ASTN2: variants seen among roughly 807,000 people sequenced by gnomAD.
ASTN2 encodes astrotactin-2.
A neutral mutation model predicts 139.8 loss-of-function variants in ASTN2; 54 were observed. The observed-to-expected ratio is 0.39, with a 90% CI of 0.31 to 0.48. The LOEUF is 0.48. Among genes scored for constraint, ASTN2 ranks in the 20% least tolerant of loss-of-function variants. ASTN2 has a pLI of 0.95. For synonymous variants in ASTN2, 756 were observed against 719.5 expected, an observed-to-expected ratio of 1.05 and a Z score of -0.81; for missense variants, 1,565 against 1,725.1, an observed-to-expected ratio of 0.91 and a Z score of 1.64.
rs117083975 is a variant in ASTN2 at position 116,685,781 on chromosome 9, A to G, written c.2807-33988T>C. 1.3e-3 allele frequency among the ~76,000 whole-genome samples: 191 copies of G among 148,766 alleles called. 7 individuals carry two copies. The East Asian group carries it at 0.03, about 24-fold the overall frequency. On this transcript the variant is annotated intron_variant, in intron 16 of 22. Transcript: ENST00000313400. The stretch of plus-strand genomic sequence containing the variant: ...ATTTTTGTTTTAAGGGAGAAGAGAG[A>G]TTTTTTTTTTTCAAGACACTTGCTT...
intron 10 of ASTN2, among the ~76,000 whole-genome samples, chr9:116,872,552 A>G (rs1406979138): frequency 6.6e-6 from 1 of 152,114 alleles, no homozygotes; most frequent in African/African-American, 2.4e-5. Context: ...ACAGGAATGG[A>G]TGTAACAGAG....
At chr9:117,358,445 A>G (rs1829604509) in intron 1 of ASTN2, among the ~76,000 whole-genome samples, 3 of 152,110 alleles carry the variant, frequency 2.0e-5, no homozygotes, top group Non-Finnish European at 4.4e-5. Flanking sequence ...CTAAGGTTGC[A>G]AACTCTGATT....
chr9:116,427,199 C>T (rs1847336123), intron 22 of ASTN2, among the ~76,000 whole-genome samples: 1 of 152,100 alleles, frequency 6.6e-6, no homozygotes, highest in Admixed American at 6.5e-5. Flanking sequence ...AGCAGCATCC[C>T]AGGGCCCCAC....
At chr9:117,311,399 GT>G (rs1257084108) in intron 1 of ASTN2, among the ~76,000 whole-genome samples, 1 of 152,122 alleles carries the variant, frequency 6.6e-6, no homozygotes, top group Non-Finnish European at 1.5e-5. Flanking sequence ...GCACATACCA[GT>G]TATTCTGGCT....
At chr9:117,053,204 T>A (rs1838963142) in intron 5 of ASTN2, among the ~76,000 whole-genome samples, 2 of 152,108 alleles carry the variant, frequency 1.3e-5, no homozygotes, top group Non-Finnish European at 2.9e-5. Context: ...GCAATCCCAG[T>A]GCTTTGTGAG....
intron 3 of ASTN2, among the ~76,000 whole-genome samples, chr9:117,179,957 G>A (rs1337762156): frequency 2.0e-5 from 3 of 152,180 alleles, no homozygotes; most frequent in Non-Finnish European, 4.4e-5. Context: ...GTTCTCATTT[G>A]ATAGATGGGA....
At chr9:116,946,306 C>T (rs1158680255) in intron 10 of ASTN2, among the ~76,000 whole-genome samples, 1 of 152,146 alleles carries the variant, frequency 6.6e-6, no homozygotes, top group Non-Finnish European at 1.5e-5. Context: ...AGGCTCCCCA[C>T]TAATTCTTAT....
chr9:117,144,679 T>G (rs1588012686), intron 3 of ASTN2, among the ~76,000 whole-genome samples: 1 of 69,718 alleles, frequency 1.4e-5, no homozygotes, highest in African/African-American at 5.0e-5. Context: ...TTTTTTTTTT[T>G]TTTTTTTTTT....
chr9:117,149,683 A>G (rs1046822620), intron 3 of ASTN2, among the ~76,000 whole-genome samples: 1 of 152,208 alleles, frequency 6.6e-6, no homozygotes, highest in Non-Finnish European at 1.5e-5. Flanking sequence ...ACAATATTCC[A>G]TCTTATATAG....
chr9:117,390,917 T>G (rs1830523020), intron 1 of ASTN2, among the ~76,000 whole-genome samples: 1 of 152,212 alleles, frequency 6.6e-6, no homozygotes, highest in Admixed American at 6.5e-5. Context: ...ACTGCCAAAC[T>G]GTTTTACCCC....
At chr9:117,308,105 T>C (rs1044657566) in intron 1 of ASTN2, among the ~76,000 whole-genome samples, 34 of 152,260 alleles carry the variant, frequency 2.2e-4, no homozygotes, top group Admixed American at 1.9e-3. Context: ...GGTCCTCTGA[T>C]TCCCAGCTCC....
chr9:117,155,646 G>A (rs1287325578), intron 3 of ASTN2, among the ~76,000 whole-genome samples: 1 of 152,002 alleles, frequency 6.6e-6, no homozygotes, highest in Middle Eastern at 3.2e-3. Context: ...ACTATCAAGT[G>A]CTATCTCTCT....
At chr9:117,401,072 G>A (rs1419447234) in intron 1 of ASTN2, among the ~76,000 whole-genome samples, 2 of 152,084 alleles carry the variant, frequency 1.3e-5, no homozygotes, top group Admixed American at 1.3e-4. Context: ...CTAAGTGCCG[G>A]GTACTGCTGA....
Position 117,118,641 on chromosome 9 carries a change from A to T in ASTN2, c.1169-22490T>A, listed in dbSNP as rs187647325. Among the ~76,000 whole-genome samples the T allele has an allele frequency of 3.9e-5, 6 of 152,312 alleles. No homozygotes were observed. In the East Asian group the frequency reaches 1.2e-3, roughly 29 times the overall value. On this transcript the variant is annotated intron_variant, in intron 4 of 22. Transcript: ENST00000313400. ...GTTCACTAGTCTCCAATGGATGCTC[A>T]TCAGCTGTAAAACAATACTCCAAAA...
At chr9:116,578,625 T>TAC (rs1564130114) in intron 19 of ASTN2, among the ~76,000 whole-genome samples, 5 of 42,958 alleles carry the variant, frequency 1.2e-4, no homozygotes, top group Admixed American at 1.1e-3. Context: ...CCAACGTGTG[T>TAC]GTGTGTGTGT....
chr9:116,557,873 C>A (rs1380828031), intron 19 of ASTN2, among the ~76,000 whole-genome samples: 2 of 152,202 alleles, frequency 1.3e-5, no homozygotes, highest in East Asian at 3.8e-4. Context: ...TCATGTGGTT[C>A]TTGGGGTTTT....
In ASTN2 at chr9:116,912,987, T is replaced by A. The variant is rs1215984652; in HGVS notation, c.1890-49254A>T. On this transcript the variant is annotated intron_variant, in intron 10 of 22. Transcript: ENST00000313400. Reference sequence around the variant, plus strand: ...GATCTCGGCTCGGCTCACGGCAACCTCTGCCTCCTGGGTTTAAGTGATTCT... The same window carrying A: ...GATCTCGGCTCGGCTCACGGCAACCACTGCCTCCTGGGTTTAAGTGATTCT... 2.7e-5 allele frequency among the ~76,000 whole-genome samples: 4 copies of A among 150,016 alleles called. No homozygotes were observed. In the East Asian group the frequency reaches 8.0e-4, roughly 30 times the overall value.
At chr9:116,427,956 A>C (rs1432053460) in intron 22 of ASTN2, among the ~76,000 whole-genome samples, 3 of 152,202 alleles carry the variant, frequency 2.0e-5, no homozygotes, top group East Asian at 1.9e-4. Flanking sequence ...CTGTTTCTTC[A>C]TTTGAAAAAT....
chr9:117,309,254 C>A (rs538437622), intron 1 of ASTN2, among the ~76,000 whole-genome samples: 2 of 152,328 alleles, frequency 1.3e-5, no homozygotes, highest in African/African-American at 4.8e-5. Context: ...CCTTTTACTG[C>A]CCCTTCTGCC....
Sources: allele counts gnomAD v4.1 joint callset (sites outside exome capture counted in the v4.1 genomes callset), GRCh38; gene constraint gnomAD v4.1.1; transcripts MANE v1.5; gene names NCBI Gene and HGNC (gene_info 2026-07-23, HGNC 2026-07-21).